The following SKOR2 variants were observed in gnomAD, a reference collection of about 807,000 sequenced individuals.
SKOR2 encodes LBX1 corepressor 1-like protein.
SKOR2 carries 47 observed loss-of-function variants against 69.1 expected under a neutral mutation model. The ratio of observed to expected loss-of-function variants is 0.68; its 90% CI spans 0.54 to 0.87. The LOEUF is 0.87. SKOR2 is among the 40% of genes least tolerant of loss of function. The probability of loss-of-function intolerance (pLI) is 0.00; values close to 1 mark genes in which losing one functional copy is unlikely to be tolerated. For missense variants in SKOR2, 1,404 were observed against 1,472.2 expected (o/e 0.95, Z 0.76); for synonymous variants, 717 against 672.6 (o/e 1.07, Z -1.02).
intron 8 of SKOR2, among the ~76,000 whole-genome samples, chr18:47,209,441 T>C (rs1046080564): frequency 2.6e-5 from 4 of 152,186 alleles, no homozygotes; most frequent in African/African-American, 9.7e-5. Flanking sequence ...AGACTTGGCA[T>C]GTTGAGAATC....
At chr18:47,219,854 G>T in intron 7 of SKOR2, 89 bp downstream of exon 7, 1 of 1,186,438 alleles carries the variant, frequency 8.4e-7, no homozygotes, top group Non-Finnish European at 1.2e-6. Flanking sequence ...AGGATTTCAT[G>T]CAAAAACGTG....
At chr18:47,212,203 G>C in intron 7 of SKOR2, 52 bp from the exon 8 acceptor site, 1 of 1,224,926 alleles carries the variant, frequency 8.2e-7, no homozygotes, top group South Asian at 4.1e-5. Flanking sequence ...TTTGGAGACA[G>C]ATATGTAATG....
intron 1 of SKOR2, 21 bp from the exon 2 acceptor site, chr18:47,249,251 C>T (rs1033516030): frequency 2.0e-6 from 3 of 1,471,288 alleles, no homozygotes; most frequent in African/African-American, 2.8e-5. Context: ...AAGGAGAAAG[C>T]GTTGACTTGA....
chr18:47,248,018 C>G lies in SKOR2; in HGVS notation c.1166G>C (p.Gly389Ala), dbSNP rs1414436611. Reference sequence around the variant, plus strand: ...CTTCTGCAGGACGCCCCCGAACGAGCCCTTGCTGGGCACCGGGATGACTGG... The same window carrying G: ...CTTCTGCAGGACGCCCCCGAACGAGGCCTTGCTGGGCACCGGGATGACTGG... ...SYPVIPVPSK[G>A]SFGGVLQKFP... Residue 389 changes from glycine to alanine, a missense_variant, in exon 2 of 9, where the codon GGC becomes GCC. By Grantham distance (60) the Gly-to-Ala change is moderately conservative. Transcript: ENST00000425639. This position sits in a 1 kb window ranked among gnomAD's most constrained non-coding sequence, Gnocchi z 6.4. The G allele has an allele frequency of 1.4e-6, 2 of 1,440,726 alleles. No individual in the cohort carries two copies. The highest frequency in any genetic ancestry group is 1.8e-6 in the Non-Finnish European group (2 of 1,098,606). 89.2% of individuals were successfully genotyped at this position (1,440,726 alleles called of 1,614,324 possible).
chr18:47,233,480 C>G (rs1390705024), intron 4 of SKOR2, among the ~76,000 whole-genome samples: 2 of 152,182 alleles, frequency 1.3e-5, no homozygotes, highest in African/African-American at 4.8e-5. Flanking sequence ...TGTGCAGTCT[C>G]AGTTAACCAG....
chr18:47,234,874 A>AAAAAAAAAAG (rs1378986554), intron 4 of SKOR2, among the ~76,000 whole-genome samples: 1 of 147,908 alleles, frequency 6.8e-6, no homozygotes, highest in African/African-American at 2.5e-5. Context: ...GAAAAAAAAA[A>AAAAAAAAAAG]AGAGAGGGGG....
At chr18:47,223,737 G>A (rs900363869) in intron 6 of SKOR2, among the ~76,000 whole-genome samples, 1 of 152,086 alleles carries the variant, frequency 6.6e-6, no homozygotes, top group South Asian at 2.1e-4. Context: ...ACTCCAAAAT[G>A]TTAACATTGG....
At chr18:47,233,500 T>C (rs1287771003) in intron 4 of SKOR2, among the ~76,000 whole-genome samples, 6 of 152,178 alleles carry the variant, frequency 3.9e-5, no homozygotes, top group Non-Finnish European at 8.8e-5. Flanking sequence ...GTTAAAGGTG[T>C]AGAAGTTTCA....
intron 1 of SKOR2, 120 bp from the exon 2 acceptor site, chr18:47,249,350 A>G: frequency 2.0e-6 from 2 of 1,008,318 alleles, no homozygotes; most frequent in South Asian, 3.5e-5. Flanking sequence ...CACGATTATT[A>G]CTGGAAAAAG....
At chr18:47,208,670 G>A (rs1207013970) in intron 8 of SKOR2, among the ~76,000 whole-genome samples, 1 of 152,186 alleles carries the variant, frequency 6.6e-6, no homozygotes, top group Non-Finnish European at 1.5e-5. Flanking sequence ...TGCAGGAAGT[G>A]CGTCACAGAA....
intron 8 of SKOR2, among the ~76,000 whole-genome samples, chr18:47,209,939 A>G (rs1159739439): frequency 6.6e-6 from 1 of 152,078 alleles, no homozygotes; most frequent in Non-Finnish European, 1.5e-5. Context: ...AAAATAAAAA[A>G]AATTTGCTGG....
Position 47,247,173 on chromosome 18 carries a change from G to T in SKOR2, c.2011C>A (p.Gln671Lys), listed in dbSNP as rs1283890168. 8.5e-6 allele frequency: 11 copies of T among 1,298,726 alleles called. No homozygotes were observed. The South Asian group carries it at 2.0e-4, about 24-fold the overall frequency. 80.5% of individuals were successfully genotyped at this position (1,298,726 alleles called of 1,614,324 possible). A position where few individuals can be genotyped will look rare whatever the true frequency, so the allele number is the denominator to read the frequency against. Reference sequence around the variant, plus strand: ...AGCAGCAGAAGCGGCGACGGCGGCTGCGGGGGGTGGTGGTGGTGGTGGTGG... The same window carrying T: ...AGCAGCAGAAGCGGCGACGGCGGCTTCGGGGGGTGGTGGTGGTGGTGGTGG... The part of the protein sequence containing the change: ...HHHHHHHHPP[Q>K]PPSPLLLLPP... The change falls in exon 2 of 9, where the codon CAG becomes AAG. Residue 671 changes from glutamine (Q) to lysine (K), a missense_variant. Physicochemically the swap from Gln to Lys is moderately conservative, Grantham distance 53. Coordinates refer to ENST00000425639, the MANE Select transcript of SKOR2 (RefSeq NM_001278063.4). The surrounding 1 kb of genome is among the most constrained non-coding windows in gnomAD (Gnocchi z 6.6).
intron 8 of SKOR2, among the ~76,000 whole-genome samples, chr18:47,210,699 T>C (rs1345297598): frequency 6.6e-6 from 1 of 152,188 alleles, no homozygotes; most frequent in Non-Finnish European, 1.5e-5. Flanking sequence ...AAAAATACTT[T>C]AATATATAGA....
chr18:47,238,289 A>T (rs571454403), intron 4 of SKOR2, among the ~76,000 whole-genome samples: 1 of 151,622 alleles, frequency 6.6e-6, no homozygotes, highest in Non-Finnish European at 1.5e-5. Flanking sequence ...CTCACAGGTA[A>T]ATTTAGTAAA....
Position 47,224,888 on chromosome 18 carries a change from G to A in SKOR2, c.2918-4878C>T, listed in dbSNP as rs192559634. On this transcript the variant is annotated intron_variant, in intron 6 of 8. Coordinates refer to ENST00000425639, the MANE Select transcript of SKOR2 (RefSeq NM_001278063.4). ...TCCTGCCTCGACTTCCCAAAGTGCT[G>A]AGATTACAGACCTGAGCCACTGTGC... is the stretch of plus-strand genomic sequence containing the variant. Among the ~76,000 whole-genome samples, 159 of 152,178 alleles carry A rather than the reference G, an allele frequency of 1.0e-3. 1 individual carries two copies. The highest frequency in any genetic ancestry group is 3.5e-3 in the African/African-American group (144 of 41,514).
At chr18:47,217,203 A>G (rs1158356659) in intron 7 of SKOR2, among the ~76,000 whole-genome samples, 1 of 152,228 alleles carries the variant, frequency 6.6e-6, no homozygotes, top group Non-Finnish European at 1.5e-5. Context: ...TATTGTAGGT[A>G]CTACTTTGAG....
At chr18:47,223,520 A>T (rs2064168294) in intron 6 of SKOR2, among the ~76,000 whole-genome samples, 1 of 152,222 alleles carries the variant, frequency 6.6e-6, no homozygotes, top group African/African-American at 2.4e-5. Flanking sequence ...ATAATAGTGG[A>T]TACATGCAAA....
intron 4 of SKOR2, among the ~76,000 whole-genome samples, chr18:47,231,370 G>A (rs536511350): frequency 2.0e-5 from 3 of 152,144 alleles, no homozygotes; most frequent in Non-Finnish European, 2.9e-5. Context: ...GAGTCCCACT[G>A]CTCCTTGAAG....
intron 4 of SKOR2, chr18:47,234,469 T>C (rs1447483158): frequency 6.6e-6 from 1 of 152,222 alleles, no homozygotes; most frequent in African/African-American, 2.4e-5. Flanking sequence ...CAGAAATTTG[T>C]ATGTTATCCT....
Sources: gnomAD v4.1 joint callset for allele counts (sites outside exome capture counted in the v4.1 genomes callset) on GRCh38, gnomAD v4.1.1 for gene constraint, Gnocchi (gnomAD v3.1) non-coding constraint, MANE v1.5 for transcripts, NCBI Gene and HGNC (gene_info 2026-07-23, HGNC 2026-07-21) for gene names.